Variants in LRBA observed in about 807,000 individuals in gnomAD.
LRBA encodes LPS responsive beige-like anchor protein.
A neutral mutation model predicts 330.0 loss-of-function variants in LRBA; 176 were observed. The ratio of observed to expected loss-of-function variants is 0.53; its 90% CI spans 0.47 to 0.60. The LOEUF (loss-of-function observed/expected upper bound fraction) is 0.60, where lower values mean the gene tolerates loss of function less well. Among genes scored for constraint, LRBA ranks in the 20% least tolerant of loss-of-function variants. The probability of loss-of-function intolerance (pLI) is 0.00; values close to 1 mark genes in which losing one functional copy is unlikely to be tolerated. For missense variants in LRBA, 3,259 were observed against 3,444.8 expected (o/e 0.95, Z 1.35); for synonymous variants, 1,230 against 1,193.0 (o/e 1.03, Z -0.64).
intron 37 of LRBA, among the ~76,000 whole-genome samples, chr4:150,628,720 T>A (rs1777085376): frequency 6.6e-6 from 1 of 152,220 alleles, no homozygotes; most frequent in South Asian, 2.1e-4. Context: ...TTTAACCTGT[T>A]ACTTCCATTG....
chr4:150,371,179 T>TC (rs1740228311), intron 47 of LRBA, among the ~76,000 whole-genome samples: 2 of 143,824 alleles, frequency 1.4e-5, no homozygotes, highest in Non-Finnish European at 3.0e-5. Flanking sequence ...TGCAAGCTAC[T>TC]AAATTTTTTT....
At chr4:150,443,853 A>AAAAAATATAT (rs70941406) in intron 44 of LRBA, among the ~76,000 whole-genome samples, 1 of 75,470 alleles carries the variant, frequency 1.3e-5, no homozygotes, top group Non-Finnish European at 3.0e-5. Context: ...TAATTAAAAA[A>AAAAAATATAT]ATATATATAT....
intron 16 of LRBA, among the ~76,000 whole-genome samples, chr4:150,894,874 G>T (rs1729892272): frequency 6.6e-6 from 1 of 151,792 alleles, no homozygotes; most frequent in Admixed American, 6.6e-5. Flanking sequence ...TATTATATTT[G>T]GTCAGAAAAA....
intron 37 of LRBA, among the ~76,000 whole-genome samples, chr4:150,624,735 T>C (rs73861640): frequency 2.0e-5 from 3 of 152,182 alleles, no homozygotes; most frequent in Non-Finnish European, 4.4e-5. Context: ...AAAAAGCATG[T>C]GATGTAAAGC....
At chr4:150,680,841 G>A (rs372356880) in intron 37 of LRBA, among the ~76,000 whole-genome samples, 1 of 152,190 alleles carries the variant, frequency 6.6e-6, no homozygotes, top group East Asian at 1.9e-4. Flanking sequence ...CCGATCCCAG[G>A]CCAGCTGCCA....
chr4:150,329,690 T>C (rs891626267), intron 48 of LRBA, among the ~76,000 whole-genome samples: 2 of 152,330 alleles, frequency 1.3e-5, no homozygotes, highest in Non-Finnish European at 1.5e-5. Flanking sequence ...CCCATGAAGT[T>C]TGCCCTGGCC....
In LRBA at chr4:150,467,722, G is replaced by T; in HGVS notation, c.6731C>A (p.Ser2244Ter). The change falls in exon 44 of 57, where the codon TCA becomes TAA. Residue 2244 changes from serine to a stop codon, truncating the protein, a stop_gained. Transcript: ENST00000651943. LOFTEE classifies it high-confidence loss of function. The stretch of plus-strand genomic sequence containing the variant: ...GGGCAAGGTAAGATCCAGTTCTTCT[G>T]ATTCATAATTAGTGATGACCCAAGG... The part of the protein sequence containing the change: ...VFPWVITNYE[S>*]EELDLTLPTN... 1 of 1,609,718 alleles carries T rather than the reference G, an allele frequency of 6.2e-7. No individual in the cohort carries two copies. Among genetic ancestry groups the T allele is most frequent in the South Asian group, 1.1e-5 (1 of 90,576 alleles).
intron 37 of LRBA, among the ~76,000 whole-genome samples, chr4:150,605,769 T>C (rs539058575): frequency 6.6e-6 from 1 of 152,138 alleles, no homozygotes; most frequent in Non-Finnish European, 1.5e-5. Context: ...CAAACTGAAA[T>C]CTATGGTGCC....
chr4:150,882,265 A>G (rs908918840), intron 17 of LRBA, among the ~76,000 whole-genome samples: 47 of 152,296 alleles, frequency 3.1e-4, no homozygotes, highest in African/African-American at 1.1e-3. Context: ...CTTCTAACCA[A>G]AGCAGAATCA....
chr4:150,611,794 T>C (rs1012188275), intron 37 of LRBA, among the ~76,000 whole-genome samples: 13 of 152,300 alleles, frequency 8.5e-5, no homozygotes, highest in African/African-American at 2.9e-4. Flanking sequence ...AGTAACCACA[T>C]CACTTGCCCC....
chr4:150,403,362 A>G (rs1581215296), intron 47 of LRBA, among the ~76,000 whole-genome samples: 1 of 152,302 alleles, frequency 6.6e-6, no homozygotes, highest in Middle Eastern at 3.4e-3. Flanking sequence ...CATTAGCCTC[A>G]CTTCTCTTCT....
chr4:150,303,962 C>T (rs543680242), intron 52 of LRBA, among the ~76,000 whole-genome samples: 1 of 152,264 alleles, frequency 6.6e-6, no homozygotes, highest in East Asian at 1.9e-4. Context: ...CTGTGACAGA[C>T]CCCCATTCCA....
At chr4:150,790,096 C>T (rs1308099312) in intron 34 of LRBA, among the ~76,000 whole-genome samples, 1 of 152,156 alleles carries the variant, frequency 6.6e-6, no homozygotes, top group African/African-American at 2.4e-5. Context: ...CATTGAATAC[C>T]CCAATCAGCA....
intron 48 of LRBA, among the ~76,000 whole-genome samples, chr4:150,326,459 A>C (rs964360861): frequency 2.0e-5 from 3 of 152,194 alleles, no homozygotes; most frequent in Non-Finnish European, 4.4e-5. Context: ...TCTAAGCATG[A>C]GATGGTTAAA....
chr4:150,737,561 G>A (rs1027900585), intron 35 of LRBA, among the ~76,000 whole-genome samples: 1 of 151,498 alleles, frequency 6.6e-6, no homozygotes, highest in African/African-American at 2.4e-5. Flanking sequence ...AAGAGAGAGA[G>A]AAAGAAAAGC....
chr4:150,378,268 AT>A (rs1308631691), intron 47 of LRBA, among the ~76,000 whole-genome samples: 4 of 151,956 alleles, frequency 2.6e-5, no homozygotes, highest in African/African-American at 7.3e-5. Context: ...AATGTTAAGA[AT>A]TTTTTTTCTC....
At chr4:150,817,027 T>C in intron 31 of LRBA, 97 bp downstream of exon 31, 16 of 1,017,866 alleles carry the variant, frequency 1.6e-5, no homozygotes, top group Non-Finnish European at 2.1e-5. Flanking sequence ...CAATGGTTTC[T>C]AATGTGCCCC....
intron 2 of LRBA, among the ~76,000 whole-genome samples, chr4:150,973,390 C>T (rs1031676756): frequency 7.2e-5 from 11 of 152,182 alleles, no homozygotes; most frequent in African/African-American, 2.7e-4. Flanking sequence ...TGGTCTCAAA[C>T]TCCCGACCTC....
chr4:150,390,657 A>C (rs1341753818), intron 47 of LRBA, among the ~76,000 whole-genome samples: 4 of 152,170 alleles, frequency 2.6e-5, no homozygotes, highest in Non-Finnish European at 5.9e-5. Flanking sequence ...TTCCTCAAGG[A>C]AGGAATTCTT....
Sources: allele counts gnomAD v4.1 joint callset (sites outside exome capture counted in the v4.1 genomes callset), GRCh38; gene constraint gnomAD v4.1.1; transcripts MANE v1.5; gene names NCBI Gene and HGNC (gene_info 2026-07-23, HGNC 2026-07-21).